CLASP2: variants seen among roughly 807,000 people sequenced by gnomAD.
CLASP2 encodes the protein CLIP-associating protein 2.
CLASP2 carries 47 observed loss-of-function variants against 194.4 expected under a neutral mutation model. That is an observed-to-expected ratio of 0.24 (90% CI 0.19 to 0.31). The LOEUF is 0.31. CLASP2 is among the 10% of genes least tolerant of loss of function. The probability of loss-of-function intolerance (pLI) is 1.00; values close to 1 mark genes in which losing one functional copy is unlikely to be tolerated. For missense variants in CLASP2, 1,445 were observed against 1,823.6 expected (o/e 0.79, Z 3.78); for synonymous variants, 619 against 633.5 (o/e 0.98, Z 0.34).
intron 7 of CLASP2, among the ~76,000 whole-genome samples, chr3:33,654,485 AAGACAG>A (rs1241944325): frequency 6.6e-6 from 1 of 152,168 alleles, no homozygotes; most frequent in Non-Finnish European, 1.5e-5. Flanking sequence ...CAAAACATAA[AAGACAG>A]AGGATCAACC....
intron 6 of CLASP2, among the ~76,000 whole-genome samples, chr3:33,680,952 C>G (rs1250055058): frequency 6.6e-6 from 1 of 151,772 alleles, no homozygotes; most frequent in African/African-American, 2.4e-5. Context: ...TGGCGAAACC[C>G]CGTCTCTACT....
At chr3:33,619,157 A>G (rs2076703425) in intron 12 of CLASP2, among the ~76,000 whole-genome samples, 1 of 152,246 alleles carries the variant, frequency 6.6e-6, no homozygotes, top group African/African-American at 2.4e-5. Context: ...AAAGTAGTAA[A>G]GTAGTAAAGG....
chr3:33,505,065 G>A (rs923669337), intron 37 of CLASP2: 2 of 152,452 alleles, frequency 1.3e-5, no homozygotes, highest in African/African-American at 4.8e-5. Flanking sequence ...CCAGGCTTTT[G>A]TTTGCTGCTT....
intron 7 of CLASP2, among the ~76,000 whole-genome samples, chr3:33,654,370 TTTTG>T (rs1178127883): frequency 1.3e-5 from 2 of 152,192 alleles, no homozygotes; most frequent in Admixed American, 6.5e-5. Context: ...ACATTTAAAC[TTTTG>T]TTTGTCAAAG....
chr3:33,600,807 G>A (rs1263443426), intron 18 of CLASP2, among the ~76,000 whole-genome samples: 4 of 152,040 alleles, frequency 2.6e-5, no homozygotes, highest in Non-Finnish European at 5.9e-5. Context: ...TAAGGTTGAT[G>A]CTAATAACGT....
chr3:33,604,159 C>A lies in CLASP2; in HGVS notation c.1745G>T (p.Gly582Val). The change falls in exon 17 of 39, where the codon GGA (glycine) becomes GTA (valine). Residue 582 changes from glycine to valine, a missense_variant. Coordinates refer to ENST00000682230, the MANE Select transcript of CLASP2 (RefSeq NM_001365631.1). ...WSTANPSTVA[G>V]RVSAGSSKAS... ...TTATTTAAAGAGAAAATTACCTCTT[C>A]CAGCCACAGTTGATGGATTTGCTGT... is the stretch of plus-strand genomic sequence containing the variant. The A allele has an allele frequency of 6.4e-7, 1 of 1,556,616 alleles. No individual in the cohort carries two copies. The highest frequency in any genetic ancestry group is 8.7e-7 in the Non-Finnish European group (1 of 1,148,746).
chr3:33,540,471 G>A (rs2058166577), intron 32 of CLASP2, among the ~76,000 whole-genome samples: 1 of 151,504 alleles, frequency 6.6e-6, no homozygotes, highest in Non-Finnish European at 1.5e-5. Flanking sequence ...CAAACTGCTG[G>A]CCTCAAGTGA....
intron 33 of CLASP2, among the ~76,000 whole-genome samples, chr3:33,538,319 T>C (rs1180514462): frequency 6.6e-6 from 1 of 152,230 alleles, no homozygotes; most frequent in African/African-American, 2.4e-5. Flanking sequence ...TGTGGCTTTA[T>C]TTAGGTTTCA....
chr3:33,681,517 T>G (rs1367920505), intron 6 of CLASP2, among the ~76,000 whole-genome samples: 1 of 152,114 alleles, frequency 6.6e-6, no homozygotes, highest in African/African-American at 2.4e-5. Context: ...AATTACAGGA[T>G]ATGAAGAGAA....
chr3:33,602,675 T>C (rs2072601884), intron 18 of CLASP2: 1 of 699,998 alleles, frequency 1.4e-6, no homozygotes, highest in Non-Finnish European at 2.6e-6. Flanking sequence ...TAGAAACCAG[T>C]GGCTAGATGT....
At chr3:33,586,626 G>A (rs866049852) in intron 21 of CLASP2, among the ~76,000 whole-genome samples, 2 of 152,056 alleles carry the variant, frequency 1.3e-5, no homozygotes, top group African/African-American at 2.4e-5. Flanking sequence ...TTATGTCTAC[G>A]TTGAATAGAA....
intron 13 of CLASP2, 94 bp from the exon 14 acceptor site, chr3:33,608,720 A>C: frequency 1.6e-6 from 1 of 637,548 alleles, no homozygotes; most frequent in Non-Finnish European, 2.6e-6. Context: ...CCTAAATTAA[A>C]GCATAAGACA....
At chr3:33,715,962 T>G (rs2093277475) in intron 1 of CLASP2, among the ~76,000 whole-genome samples, 1 of 151,970 alleles carries the variant, frequency 6.6e-6, no homozygotes, top group Admixed American at 6.6e-5. Context: ...CAGAAAAGTT[T>G]CTATGCTATA....
intron 6 of CLASP2, among the ~76,000 whole-genome samples, chr3:33,680,149 G>A (rs761345102): frequency 6.6e-6 from 1 of 152,204 alleles, no homozygotes; most frequent in Non-Finnish European, 1.5e-5. Flanking sequence ...TTGTATGAAT[G>A]TAACTATATG....
At chr3:33,557,260 C>A (rs946335502) in intron 29 of CLASP2, among the ~76,000 whole-genome samples, 5 of 152,196 alleles carry the variant, frequency 3.3e-5, no homozygotes, top group African/African-American at 1.2e-4. Context: ...AGGTGTGAGC[C>A]ACGGTGCCCA....
intron 30 of CLASP2, among the ~76,000 whole-genome samples, chr3:33,550,774 TA>T (rs1280160090): frequency 2.0e-4 from 31 of 152,194 alleles, no homozygotes; most frequent in African/African-American, 6.8e-4. Flanking sequence ...CAGTCAAATG[TA>T]AATCTTTTCT....
rs546552970 is a variant in CLASP2, at chr3:33,593,020, G to A, written c.1967-524C>T. Among the ~76,000 whole-genome samples, 5 of 152,282 alleles carry A rather than the reference G, an allele frequency of 3.3e-5. No homozygotes were observed. In the East Asian group the frequency reaches 9.6e-4, roughly 29 times the overall value. ...CATATGGTATATGGACATGTTTACT[G>A]CTCTCTTCCTCCAATCAACTATTTC... is the stretch of plus-strand genomic sequence containing the variant. On this transcript the variant is annotated intron_variant, in intron 20 of 38. Coordinates refer to ENST00000682230, the MANE Select transcript of CLASP2 (RefSeq NM_001365631.1).
At chr3:33,707,904 T>C (rs953555592) in intron 1 of CLASP2, among the ~76,000 whole-genome samples, 1 of 152,236 alleles carries the variant, frequency 6.6e-6, no homozygotes, top group East Asian at 1.9e-4. Flanking sequence ...GGCAGAATAA[T>C]AACCTCACAA....
At chr3:33,668,187 C>G (rs1273290782) in intron 6 of CLASP2, among the ~76,000 whole-genome samples, 1 of 152,132 alleles carries the variant, frequency 6.6e-6, no homozygotes, top group Non-Finnish European at 1.5e-5. Context: ...CCATTGCACT[C>G]CGGCTCAGGT....
Sources: gnomAD v4.1 joint callset for allele counts (sites outside exome capture counted in the v4.1 genomes callset) on GRCh38, gnomAD v4.1.1 for gene constraint, MANE v1.5 for transcripts, NCBI Gene and HGNC (gene_info 2026-07-23, HGNC 2026-07-21) for gene names.